The following RNF220 variants were observed in gnomAD, a reference collection of about 807,000 sequenced individuals.
The protein encoded by RNF220 is E3 ubiquitin-protein ligase RNF220.
RNF220 carries 7 observed loss-of-function variants against 67.1 expected under a neutral mutation model. The ratio of observed to expected loss-of-function variants is 0.10; its 90% CI spans 0.06 to 0.20. The LOEUF is 0.20. Ranked by LOEUF, RNF220 falls within the 10% of genes least tolerant of loss-of-function variation. RNF220 has a pLI of 1.00. For missense variants in RNF220, 565 were observed against 740.3 expected, an observed-to-expected ratio of 0.76 and a Z score of 2.75; for synonymous variants, 270 against 283.2, an observed-to-expected ratio of 0.95 and a Z score of 0.47.
chr1:44,435,028 T>TAAAA (rs33931761), intron 2 of RNF220, among the ~76,000 whole-genome samples: 2 of 143,920 alleles, frequency 1.4e-5, no homozygotes, highest in East Asian at 4.0e-4. Context: ...TCCTGTCTCT[T>TAAAA]AAAAAAAAAA....
Position 44,649,726 on chromosome 1 carries a change from G to T in RNF220, c.1511G>T (p.Arg504Leu). 1 of 1,614,036 alleles carries T rather than the reference G, an allele frequency of 6.2e-7. No individual in the cohort carries two copies. Among genetic ancestry groups the T allele is most frequent in the Non-Finnish European group, 8.5e-7 (1 of 1,179,964 alleles). The change falls in exon 13 of 15, where the codon CGG (arginine) becomes CTG (leucine). Residue 504 changes from arginine to leucine, a missense_variant. Physicochemically the swap from Arg to Leu is moderately radical, Grantham distance 102 (BLOSUM62 -2). Coordinates refer to ENST00000361799, the MANE Select transcript of RNF220 (RefSeq NM_018150.4). This position sits in a 1 kb window ranked among gnomAD's most constrained non-coding sequence, Gnocchi z 5.9. ...AAGGCTCGGGTCAGAGAACTTGAAC[G>T]GCAGCTATCTCGTGGGGACCGTTAC... The part of the protein sequence containing the change: ...ALKARVRELE[R>L]QLSRGDRYKC...
Position 44,650,243 on chromosome 1 carries a change from G to A in RNF220, c.1629+286G>A. 1 of 544,378 alleles carries A rather than the reference G, an allele frequency of 1.8e-6. No individual in the cohort carries two copies. The allele number at this position is 544,378 out of a possible 1,614,324, so 33.7% of individuals were successfully genotyped here. ...ATCACACAGACTGGTGAGGCCTGGG[G>A]TCAGGAGGAGGCTGGCTGTAGGTAA... On this transcript the variant is annotated intron_variant, in intron 14 of 14. Transcript: ENST00000361799. The surrounding 1 kb of genome is among the most constrained non-coding windows in gnomAD (Gnocchi z 4.3).
intron 2 of RNF220, among the ~76,000 whole-genome samples, chr1:44,431,314 A>G (rs1650342707): frequency 6.6e-6 from 1 of 151,904 alleles, no homozygotes; most frequent in South Asian, 2.1e-4. Context: ...AGATGGTGAA[A>G]CCCTGTCTCT....
chr1:44,497,762 A>C (rs1657471932), intron 2 of RNF220, among the ~76,000 whole-genome samples: 1 of 152,130 alleles, frequency 6.6e-6, no homozygotes, highest in African/African-American at 2.4e-5. Flanking sequence ...TGGTTCATTT[A>C]CTAGCCACCT....
chr1:44,424,891 A>G (rs1310015385), intron 2 of RNF220, among the ~76,000 whole-genome samples: 1 of 152,212 alleles, frequency 6.6e-6, no homozygotes, highest in Admixed American at 6.5e-5. Flanking sequence ...CAGCCCGCTT[A>G]TCTTCTCACT....
chr1:44,466,784 A>G (rs939012562), intron 2 of RNF220, among the ~76,000 whole-genome samples: 5 of 152,238 alleles, frequency 3.3e-5, no homozygotes, highest in African/African-American at 4.8e-5. Context: ...AAACCATGCT[A>G]TAAACAGATG....
chr1:44,524,341 C>T (rs1176360634), intron 2 of RNF220, among the ~76,000 whole-genome samples: 3 of 152,030 alleles, frequency 2.0e-5, no homozygotes, highest in Admixed American at 1.3e-4. Context: ...CACCCTCAGA[C>T]TCCTTGTAAT....
rs1181909925 is a variant in RNF220, at chr1:44,622,024, C to T, written c.759-718C>T. On this transcript the variant is annotated intron_variant, in intron 3 of 14. Coordinates refer to ENST00000361799, the MANE Select transcript of RNF220 (RefSeq NM_018150.4). The surrounding 1 kb of genome is among the most constrained non-coding windows in gnomAD (Gnocchi z 4.3). ...CTGAAGTGGATCTGATTTGATACGT[C>T]TTGTTCCATTGTCAGCATCTGTTTA... Among the ~76,000 whole-genome samples, 1 of 152,216 alleles carries T rather than the reference C, an allele frequency of 6.6e-6. No individual in the cohort carries two copies. The highest frequency in any genetic ancestry group is 1.5e-5 in the Non-Finnish European group (1 of 68,040).
chr1:44,572,409 G>C lies in RNF220; in HGVS notation c.626-41756G>C, dbSNP rs74070530. 8.5e-5 allele frequency among the ~76,000 whole-genome samples: 13 copies of C among 152,266 alleles called. No individual in the cohort carries two copies. The South Asian group carries it at 1.5e-3, about 17-fold the overall frequency. On this transcript the variant is annotated intron_variant, in intron 2 of 14. Transcript: ENST00000361799. ...AAGGGACTCTTTGAAACCCAGCCTC[G>C]ATGGCACCCCGCCACTGCTCTTATA...
chr1:44,603,415 G>T (rs1294106805), intron 2 of RNF220, among the ~76,000 whole-genome samples: 1 of 152,212 alleles, frequency 6.6e-6, no homozygotes, highest in Non-Finnish European at 1.5e-5. Flanking sequence ...CCTGGGGCAG[G>T]CCAGAGCTCA....
chr1:44,468,442 G>C (rs1415544384), intron 2 of RNF220, among the ~76,000 whole-genome samples: 1 of 152,116 alleles, frequency 6.6e-6, no homozygotes, highest in Admixed American at 6.6e-5. Context: ...GTGTGTTGTA[G>C]GAAGATAAAC....
rs376884612 is a variant in RNF220 at position 44,645,178 on chromosome 1, G to A, written c.1311-43G>A. ...ACTGACCCTCAGGGCTGTCCTGCCC[G>A]CCTTCAGGCCTCACTTTGTTTTTCC... On this transcript the variant is annotated intron_variant, in intron 10 of 14. Transcript: ENST00000361799. The surrounding 1 kb of genome is among the most constrained non-coding windows in gnomAD (Gnocchi z 5.0). The A allele has an allele frequency of 7.8e-5, 126 of 1,613,774 alleles. No homozygotes were observed. The East Asian group carries it at 9.8e-4, about 13-fold the overall frequency.
At chr1:44,427,860 A>G (rs1301551379) in intron 2 of RNF220, among the ~76,000 whole-genome samples, 1 of 152,204 alleles carries the variant, frequency 6.6e-6, no homozygotes, top group African/African-American at 2.4e-5. Flanking sequence ...TATAATTAAT[A>G]TGATAAGGGG....
intron 2 of RNF220, among the ~76,000 whole-genome samples, chr1:44,523,077 T>C (rs1660066287): frequency 6.6e-6 from 1 of 152,164 alleles, no homozygotes; most frequent in South Asian, 2.1e-4. Context: ...TGCTAAATGG[T>C]CTAGAAAGCA....
chr1:44,641,108 T>C lies in RNF220; in HGVS notation c.1127-3590T>C, dbSNP rs138796942. Among the ~76,000 whole-genome samples the C allele has an allele frequency of 2.9e-3, 439 of 152,340 alleles. 2 individuals carry two copies. The highest frequency in any genetic ancestry group is 7.5e-3 in the East Asian group (39 of 5,190). ...TGAGTTTATGGGAGAAGGGTCGTTT[T>C]TATAAAACGTAGACCTGTGTTTCAT... On this transcript the variant is annotated intron_variant, in intron 8 of 14. Transcript: ENST00000361799.
At chr1:44,588,965 C>T (rs1184268766) in intron 2 of RNF220, among the ~76,000 whole-genome samples, 1 of 152,238 alleles carries the variant, frequency 6.6e-6, no homozygotes, top group Non-Finnish European at 1.5e-5. Flanking sequence ...AGGCCTGCCT[C>T]CTCTCCTAGA....
intron 5 of RNF220, chr1:44,626,767 A>G (rs57291201): frequency 0.27 from 54,431 of 198,766 alleles, 8,315 homozygotes; most frequent in Middle Eastern, 0.34. Context: ...GGCCGGGTGC[A>G]GTGGCTCATG....
chr1:44,564,751 C>CAA lies in RNF220; in HGVS notation c.626-49397_626-49396dup, dbSNP rs34127522. On this transcript the variant is annotated intron_variant, in intron 2 of 14. Coordinates refer to ENST00000361799, the MANE Select transcript of RNF220 (RefSeq NM_018150.4). ...TGGGCAACAGAGCAAGACTCCATCT[C>CAA]AAAAAAAAAAAAAAAAAAGAACCAC... 7.6e-3 allele frequency among the ~76,000 whole-genome samples: 708 copies of CAA among 93,648 alleles called. 8 individuals are homozygous for CAA. The highest frequency in any genetic ancestry group is 0.024 in the African/African-American group (603 of 25,266). The allele number at this position is 93,648 out of a possible 152,430, so 61.4% of individuals were successfully genotyped here.
chr1:44,536,204 G>A (rs890771564), intron 2 of RNF220, among the ~76,000 whole-genome samples: 3 of 152,276 alleles, frequency 2.0e-5, no homozygotes, highest in Non-Finnish European at 4.4e-5. Context: ...AGAACACTGA[G>A]TGGGTGGCTG....
Sources: allele counts gnomAD v4.1 joint callset (sites outside exome capture counted in the v4.1 genomes callset), GRCh38; gene constraint gnomAD v4.1.1; non-coding constraint Gnocchi (gnomAD v3.1); transcripts MANE v1.5; gene names NCBI Gene and HGNC (gene_info 2026-07-23, HGNC 2026-07-21).